NFIA: variants seen among roughly 807,000 people sequenced by gnomAD.
NFIA encodes nuclear factor 1 A-type.
Under a neutral mutation model 62.8 loss-of-function variants are expected in NFIA, and 8 were observed. That is an observed-to-expected ratio of 0.13 (90% confidence interval 0.07 to 0.23). The LOEUF is 0.23. NFIA is among the 10% of genes least tolerant of loss of function. The pLI, the probability that NFIA is intolerant of heterozygous loss-of-function variation, is 1.00. For missense variants in NFIA, 410 were observed against 642.1 expected (o/e 0.64, Z 3.91); for synonymous variants, 235 against 238.1 (o/e 0.99, Z 0.12).
chr1:61,322,297 A>G (rs1194903071), intron 3 of NFIA, among the ~76,000 whole-genome samples: 1 of 152,204 alleles, frequency 6.6e-6, no homozygotes, highest in Non-Finnish European at 1.5e-5. Context: ...CTTAGCTACT[A>G]TAACAAAGCA....
At chr1:61,189,057 C>G (rs770091108) in intron 2 of NFIA, among the ~76,000 whole-genome samples, 3 of 152,172 alleles carry the variant, frequency 2.0e-5, no homozygotes, top group Non-Finnish European at 2.9e-5. Flanking sequence ...AATAAGGGAC[C>G]AAGGAGATAA....
At chr1:61,097,753 T>A (rs995885649) in intron 2 of NFIA, among the ~76,000 whole-genome samples, 7 of 152,236 alleles carry the variant, frequency 4.6e-5, no homozygotes, top group African/African-American at 1.7e-4. Context: ...CTTAGAATTC[T>A]GTGTAGTTTA....
At chr1:61,347,678 T>G (rs1662315032) in intron 4 of NFIA, among the ~76,000 whole-genome samples, 2 of 152,200 alleles carry the variant, frequency 1.3e-5, no homozygotes, top group Admixed American at 6.5e-5. Context: ...TTCTTTGCAT[T>G]TTTTCCTATG....
intron 3 of NFIA, among the ~76,000 whole-genome samples, chr1:61,309,625 T>TAA (rs1483138149): frequency 6.6e-6 from 1 of 152,202 alleles, no homozygotes; most frequent in African/African-American, 2.4e-5. Context: ...GCGCAGTGGC[T>TAA]AACGCCTATA....
At chr1:61,134,094 G>A (rs1046158243) in intron 2 of NFIA, among the ~76,000 whole-genome samples, 3 of 152,098 alleles carry the variant, frequency 2.0e-5, no homozygotes, top group African/African-American at 7.2e-5. Flanking sequence ...GGGTGACGGT[G>A]CAAGACTCTG....
intron 3 of NFIA, among the ~76,000 whole-genome samples, chr1:61,292,906 T>A (rs537349241): frequency 1.3e-5 from 2 of 152,202 alleles, no homozygotes; most frequent in Admixed American, 1.3e-4. Context: ...TAGTTTACTT[T>A]ATAGATCTTC....
intron 10 of NFIA, among the ~76,000 whole-genome samples, chr1:61,432,348 C>G (rs1400225122): frequency 6.6e-6 from 1 of 151,840 alleles, no homozygotes; most frequent in Non-Finnish European, 1.5e-5. Flanking sequence ...CAAGGCTCAG[C>G]CAGAAACCCC....
intron 2 of NFIA, among the ~76,000 whole-genome samples, chr1:61,122,366 T>C (rs1481025574): frequency 2.6e-5 from 4 of 152,238 alleles, no homozygotes; most frequent in African/African-American, 9.6e-5. Context: ...GTCAAGTTGC[T>C]GTAAGAGTTA....
intron 2 of NFIA, among the ~76,000 whole-genome samples, chr1:61,113,704 G>A (rs950333625): frequency 3.3e-5 from 5 of 151,720 alleles, no homozygotes; most frequent in Non-Finnish European, 7.4e-5. Flanking sequence ...GATTTGAGTT[G>A]TGGATGAAGG....
At chr1:61,077,865 T>TTC (rs1646050848), upstream of NFIA, among the ~76,000 whole-genome samples, 1 of 151,898 alleles carries the variant, frequency 6.6e-6, no homozygotes, top group Admixed American at 6.6e-5. Context: ...TTTTTTTTTT[T>TTC]TCGGGATTTG....
chr1:61,278,312 A>G (rs1657935456), intron 3 of NFIA, among the ~76,000 whole-genome samples: 1 of 152,224 alleles, frequency 6.6e-6, no homozygotes, highest in African/African-American at 2.4e-5. Context: ...TATCGGTTTC[A>G]ATAAAAACAG....
chr1:61,186,283 A>G (rs937601987), intron 2 of NFIA, among the ~76,000 whole-genome samples: 2 of 147,106 alleles, frequency 1.4e-5, no homozygotes, highest in Non-Finnish European at 2.9e-5. Flanking sequence ...TCAGCCACTC[A>G]GAACCTCTGT....
chr1:61,176,663 A>G (rs1370142872), intron 2 of NFIA, among the ~76,000 whole-genome samples: 1 of 152,182 alleles, frequency 6.6e-6, no homozygotes, highest in Admixed American at 6.5e-5. Context: ...TGAATACTAC[A>G]GTTAACCTTA....
At chr1:61,187,148 C>CT (rs1014834017) in intron 2 of NFIA, among the ~76,000 whole-genome samples, 1 of 152,190 alleles carries the variant, frequency 6.6e-6, no homozygotes, top group Non-Finnish European at 1.5e-5. Context: ...AGGTAAAGTG[C>CT]TTAGCATATT....
At chr1:61,245,256 G>T (rs138940962) in intron 2 of NFIA, among the ~76,000 whole-genome samples, 3 of 152,036 alleles carry the variant, frequency 2.0e-5, no homozygotes, top group Non-Finnish European at 2.9e-5. Flanking sequence ...TGAGGGGCAT[G>T]GTTTTTGTTT....
At chr1:61,097,388 A>G (rs985329129) in intron 2 of NFIA, among the ~76,000 whole-genome samples, 2 of 152,212 alleles carry the variant, frequency 1.3e-5, no homozygotes, top group Non-Finnish European at 2.9e-5. Flanking sequence ...ATACTGTACT[A>G]TTTAAAAATT....
chr1:61,219,930 T>C (rs900129326), intron 2 of NFIA, among the ~76,000 whole-genome samples: 5 of 151,950 alleles, frequency 3.3e-5, no homozygotes, highest in African/African-American at 9.7e-5. Flanking sequence ...GCCACTGCAC[T>C]CCAGCCTGGA....
Position 61,458,822 on chromosome 1 carries a change from T to A in NFIA, c.*3502T>A, listed in dbSNP as rs902747750. 6.6e-6 allele frequency: 1 copy of A among 152,142 alleles called. No homozygotes were observed. Among genetic ancestry groups the A allele is most frequent in the Non-Finnish European group, 1.5e-5 (1 of 68,026 alleles). 9.4% of individuals were successfully genotyped at this position (152,142 alleles called of 1,614,324 possible). On this transcript the variant is annotated 3_prime_UTR_variant, in exon 11 of 11. Transcript: ENST00000403491. Reference sequence around the variant, plus strand: ...TGGACGTTACAGGTATGCTGTATTTTTGAAGGTATTTTGTTGTATTAAGTT... The same window carrying A: ...TGGACGTTACAGGTATGCTGTATTTATGAAGGTATTTTGTTGTATTAAGTT...
At chr1:61,126,014 C>T (rs1486320712) in intron 2 of NFIA, among the ~76,000 whole-genome samples, 1 of 152,094 alleles carries the variant, frequency 6.6e-6, no homozygotes, top group South Asian at 2.1e-4. Context: ...GGTACTTTAT[C>T]GCCATCTCAT....
Sources: gnomAD v4.1 joint callset for allele counts (sites outside exome capture counted in the v4.1 genomes callset) on GRCh38, gnomAD v4.1.1 for gene constraint, MANE v1.5 for transcripts, NCBI Gene and HGNC (gene_info 2026-07-23, HGNC 2026-07-21) for gene names.